The following ZNF75D variants were observed in gnomAD, a reference collection of about 807,000 sequenced individuals.
The protein encoded by ZNF75D is zinc finger protein 75.
Under a neutral mutation model 33.3 loss-of-function variants are expected in ZNF75D, and 33 were observed. That is an observed-to-expected ratio of 0.99 (90% CI 0.75 to 1.32). The LOEUF (loss-of-function observed/expected upper bound fraction) is 1.32, where lower values mean the gene tolerates loss of function less well. Ranked by LOEUF, ZNF75D falls within the 40% of genes most tolerant of loss-of-function variation. The probability of loss-of-function intolerance (pLI) is 0.00; values close to 1 mark genes in which losing one functional copy is unlikely to be tolerated. For missense variants in ZNF75D, 338 were observed against 367.5 expected, an observed-to-expected ratio of 0.92 and a Z score of 0.66; for synonymous variants, 113 against 130.6, an observed-to-expected ratio of 0.87 and a Z score of 0.92.
intron 1 of ZNF75D, among the ~76,000 whole-genome samples, chrX:135,311,557 A>T (rs950965336): frequency 1.8e-5 from 2 of 112,482 alleles, no homozygotes; most frequent in Non-Finnish European, 3.8e-5. Flanking sequence ...TGGTGAGAAC[A>T]CTTAAAATCT....
Position 135,291,133 on chromosome X carries a change from ACT to A in ZNF75D, c.697_698del (p.Ser233PhefsTer5). On this transcript the variant is annotated frameshift_variant and splice_region_variant, in exon 6 of 7. Coordinates refer to ENST00000370766, the MANE Select transcript of ZNF75D (RefSeq NM_007131.5). LOFTEE classifies it high-confidence loss of function. ...CAGCCACATCTTCAAATGTCAACAA[ACT>A]CTAAAGAAGAGAATGGGCTATAGTT... ...ASKLILPESLSLLTFEDVAVY... is the reference protein window; with the variant it reads ...ASKLILPESLXLLTFEDVAVY... 8.3e-7 allele frequency: 1 copy of A among 1,210,886 alleles called. No homozygotes were observed. The highest frequency in any genetic ancestry group is 1.1e-6 in the Non-Finnish European group (1 of 895,078).
At chrX:135,318,088 T>TA (rs201356298) in intron 1 of ZNF75D, among the ~76,000 whole-genome samples, 24,593 of 86,903 alleles carry the variant, frequency 0.28, 3,455 homozygotes, top group East Asian at 0.5. Flanking sequence ...TATATATATA[T>TA]TTTTTTTTTT....
intron 1 of ZNF75D, among the ~76,000 whole-genome samples, chrX:135,306,288 TACAC>T (rs57049630): frequency 0.047 from 3,915 of 83,137 alleles, 97 homozygotes; most frequent in South Asian, 0.1. Context: ...CAGAGATACA[TACAC>T]ACACACACAC....
At chrX:135,280,907 G>A, downstream of ZNF75D, among the ~76,000 whole-genome samples, 1 of 111,620 alleles carries the variant, frequency 9.0e-6, no homozygotes, top group East Asian at 2.8e-4. Flanking sequence ...CTTTCTCTCT[G>A]GCTGCCCTTA....
At chrX:135,291,720 T>A (rs1305329855) in intron 4 of ZNF75D, 157 bp from the exon 5 acceptor site, 1 of 710,027 alleles carries the variant, frequency 1.4e-6, no homozygotes, top group Non-Finnish European at 2.0e-6. Flanking sequence ...TCATTGTAAA[T>A]AAGAACCAAA....
chrX:135,276,318 T>C (rs1251952525), intron 1 of ZNF75D, among the ~76,000 whole-genome samples: 2 of 111,913 alleles, frequency 1.8e-5, no homozygotes, highest in Non-Finnish European at 3.8e-5. Context: ...ACTTTTTTTA[T>C]ATACCACATT....
intron 3 of ZNF75D, among the ~76,000 whole-genome samples, chrX:135,250,394 A>G (rs1168481722): frequency 9.9e-6 from 1 of 101,221 alleles, no homozygotes; most frequent in Non-Finnish European, 2.0e-5. Context: ...TAAAAAAAAA[A>G]TTTTTTTAAA....
intron 1 of ZNF75D, among the ~76,000 whole-genome samples, chrX:135,278,621 G>A (rs1352441085): frequency 9.0e-6 from 1 of 111,505 alleles, no homozygotes; most frequent in Non-Finnish European, 1.9e-5. Flanking sequence ...ATTGGCTGTG[G>A]GTTTGTCATA....
At chrX:135,273,471 T>A (rs1343607567) in intron 1 of ZNF75D, among the ~76,000 whole-genome samples, 2 of 110,730 alleles carry the variant, frequency 1.8e-5, no homozygotes. Context: ...ATTATTACAG[T>A]TCATGGTTAT....
At chrX:135,263,117 C>T (rs1556415802) in intron 1 of ZNF75D, among the ~76,000 whole-genome samples, 1 of 112,688 alleles carries the variant, frequency 8.9e-6, no homozygotes, top group Non-Finnish European at 1.9e-5. Context: ...CTGGGTATCA[C>T]CAGCGGAGGC....
At chrX:135,300,822 C>T (rs896700063) in intron 1 of ZNF75D, among the ~76,000 whole-genome samples, 9 of 110,874 alleles carry the variant, frequency 8.1e-5, no homozygotes, top group Non-Finnish European at 1.7e-4. Context: ...GGATGACAAC[C>T]TGCAGGAGAG....
chrX:135,305,760 C>T (rs1009476569), intron 1 of ZNF75D, among the ~76,000 whole-genome samples: 4 of 110,791 alleles, frequency 3.6e-5, no homozygotes, highest in African/African-American at 3.3e-5. Flanking sequence ...GAATCCAACA[C>T]CCCCAGACTC....
At chrX:135,272,508 A>G (rs1556417097) in intron 1 of ZNF75D, among the ~76,000 whole-genome samples, 1 of 110,315 alleles carries the variant, frequency 9.1e-6, no homozygotes, top group Admixed American at 9.8e-5. Flanking sequence ...TTACTTTCAA[A>G]TATACAAAGC....
chrX:135,304,686 C>G (rs2084261969), intron 1 of ZNF75D, among the ~76,000 whole-genome samples: 1 of 112,508 alleles, frequency 8.9e-6, no homozygotes, highest in African/African-American at 3.2e-5. Flanking sequence ...GACAGAGTTC[C>G]TACAACCAGT....
Position 135,286,790 on chromosome X carries a change from C to T in ZNF75D, c.*347G>A, listed in dbSNP as rs181111937. The T allele has an allele frequency of 2.3e-5, 4 of 172,278 alleles. No individual in the cohort carries two copies. The highest frequency in any genetic ancestry group is 1.2e-4 in the African/African-American group (4 of 32,702). 14.2% of individuals were successfully genotyped at this position (172,278 alleles called of 1,213,427 possible). ...AAAGAGTAAAAAATGAGACTAAGAG[C>T]CTTGACTATCATATGTCTGTTGAGC... On this transcript the variant is annotated 3_prime_UTR_variant, in exon 7 of 7. Coordinates refer to ENST00000370766, the MANE Select transcript of ZNF75D (RefSeq NM_007131.5).
At chrX:135,249,657 C>T (rs781835011) in intron 3 of ZNF75D, among the ~76,000 whole-genome samples, 2 of 98,835 alleles carry the variant, frequency 2.0e-5, no homozygotes, top group East Asian at 6.3e-4. Flanking sequence ...TACACACACA[C>T]TCAAAATTCT....
chrX:135,256,232 T>G lies in ZNF75D; in HGVS notation n.828-455A>C, dbSNP rs1283951702. ...AACTTCATATCACTGAAAGAGGCAT[T>G]GCACAGGGCAAGAGAGGTAGTCTGG... On this transcript the variant is annotated intron_variant and non_coding_transcript_variant, in intron 1 of 3. Transcript: ENST00000494295. Among the ~76,000 whole-genome samples the G allele has an allele frequency of 1.6e-4, 13 of 79,710 alleles. No homozygotes were observed. The Admixed American group carries it at 1.6e-3, about 10-fold the overall frequency. 69.2% of individuals were successfully genotyped at this position (79,710 alleles called of 115,157 possible).
intron 4 of ZNF75D, 80 bp from the exon 5 acceptor site, chrX:135,291,643 T>C (rs1482526874): frequency 2.3e-5 from 26 of 1,144,461 alleles, no homozygotes; most frequent in Non-Finnish European, 2.7e-5. Context: ...ATAAAGAACA[T>C]CAGGATGCCT....
intron 1 of ZNF75D, among the ~76,000 whole-genome samples, chrX:135,338,074 G>A (rs781918833): frequency 3.6e-5 from 4 of 111,388 alleles, no homozygotes; most frequent in Non-Finnish European, 7.5e-5. Flanking sequence ...GAGCTCGCAG[G>A]ATGGGGAGGG....
Sources: gnomAD v4.1 joint callset for allele counts (sites outside exome capture counted in the v4.1 genomes callset) on GRCh38, gnomAD v4.1.1 for gene constraint, MANE v1.5 for transcripts, NCBI Gene and HGNC (gene_info 2026-07-23, HGNC 2026-07-21) for gene names.